The following PREX1 variants were observed in gnomAD, a reference collection of about 807,000 sequenced individuals.
PREX1 encodes phosphatidylinositol-3,4,5-trisphosphate dependent Rac exchange factor 1, also known as phosphatidylinositol 3,4,5-trisphosphate-dependent Rac exchanger 1 protein.
A neutral mutation model predicts 198.3 loss-of-function variants in PREX1; 41 were observed. The observed-to-expected ratio is 0.21, with a 90% CI of 0.16 to 0.27. PREX1 has a LOEUF of 0.27. Among genes scored for constraint, PREX1 ranks in the 10% least tolerant of loss-of-function variants. The pLI, the probability that PREX1 is intolerant of heterozygous loss-of-function variation, is 1.00. For synonymous variants in PREX1, 843 were observed against 887.2 expected (o/e 0.95, Z 0.89); for missense variants, 1,620 against 2,200.7 (o/e 0.74, Z 5.28).
chr20:48,737,282 G>A (rs1401438919), intron 3 of PREX1, among the ~76,000 whole-genome samples: 4 of 148,488 alleles, frequency 2.7e-5, no homozygotes, highest in Admixed American at 2.0e-4. Context: ...AGATAGACTC[G>A]TGGGTTTAGG....
Position 48,737,757 on chromosome 20 carries a change from C to T in PREX1, c.415-3107G>A, listed in dbSNP as rs771928356. ...ACTCTCTTTGAGCTGCTGTTGAACC[C>T]CTGCCACCATGTGAGGCATGCACCC... On this transcript the variant is annotated intron_variant, in intron 3 of 39. Coordinates refer to ENST00000371941, the MANE Select transcript of PREX1 (RefSeq NM_020820.4). Among the ~76,000 whole-genome samples, 10 of 152,306 alleles carry T rather than the reference C, an allele frequency of 6.6e-5. No homozygotes were observed. The Middle Eastern group carries it at 0.014, about 207-fold the overall frequency.
intron 6 of PREX1, among the ~76,000 whole-genome samples, chr20:48,707,293 C>T (rs921929077): frequency 6.6e-6 from 1 of 152,182 alleles, no homozygotes; most frequent in Non-Finnish European, 1.5e-5. Flanking sequence ...AAATAGAGCT[C>T]TTCACTCTCC....
At chr20:48,867,219 A>T in the PREX1 span, among the ~76,000 whole-genome samples, 6 of 152,190 alleles carry the variant, frequency 3.9e-5, no homozygotes, top group Non-Finnish European at 7.4e-5. Context: ...AAGCTCTTGG[A>T]GCTGAAGAGC....
Position 48,651,446 on chromosome 20 carries a change from C to G in PREX1, c.2605G>C (p.Val869Leu). 6.2e-7 allele frequency: 1 copy of G among 1,613,790 alleles called. No individual in the cohort carries two copies. Among genetic ancestry groups the G allele is most frequent in the African/African-American group, 1.3e-5 (1 of 75,072 alleles). ...YVSTAGVRCH[V>L]LEKIVEPRGC... The stretch of plus-strand genomic sequence containing the variant: ...CGGGGCTCCACGATCTTCTCCAGCA[C>G]ATGGCACCTGACGCCTGCCGTGCTC... Residue 869 changes from valine (V) to leucine (L), a missense_variant, in exon 22 of 40, where the codon GTG (valine) becomes CTG (leucine). Physicochemically the swap from Val to Leu is conservative, Grantham distance 32. Coordinates refer to ENST00000371941, the MANE Select transcript of PREX1 (RefSeq NM_020820.4).
chr20:48,681,376 T>C (rs769941242), intron 10 of PREX1, 41 bp from the exon 11 acceptor site: 11 of 1,592,032 alleles, frequency 6.9e-6, no homozygotes, highest in Non-Finnish European at 7.8e-6. Context: ...ATTTCCCCAA[T>C]TCTGGGACCA....
the PREX1 span, among the ~76,000 whole-genome samples, chr20:48,870,649 C>G: frequency 1.3e-5 from 2 of 152,106 alleles, no homozygotes; most frequent in Non-Finnish European, 2.9e-5. Flanking sequence ...AACAACCAAC[C>G]GTAAAAATCA....
intron 25 of PREX1, among the ~76,000 whole-genome samples, chr20:48,648,816 G>C (rs1208109683): frequency 1.3e-5 from 2 of 152,188 alleles, no homozygotes; most frequent in Admixed American, 6.5e-5. Flanking sequence ...TCCTAGAGCT[G>C]AGTAAGGAGA....
At chr20:48,819,708 T>C (rs1016997108) in intron 1 of PREX1, among the ~76,000 whole-genome samples, 1 of 152,224 alleles carries the variant, frequency 6.6e-6, no homozygotes, top group Non-Finnish European at 1.5e-5. Flanking sequence ...TTATGACAAC[T>C]CTGGTCCTTT....
At chr20:48,876,056 T>C in the PREX1 span, among the ~76,000 whole-genome samples, 1 of 152,156 alleles carries the variant, frequency 6.6e-6, no homozygotes, top group Non-Finnish European at 1.5e-5. Flanking sequence ...ATTCACCTCC[T>C]GTGCTCTCTC....
chr20:48,686,809 C>T (rs1454160934), intron 10 of PREX1, among the ~76,000 whole-genome samples: 13 of 152,144 alleles, frequency 8.5e-5, no homozygotes, highest in Admixed American at 7.2e-4. Flanking sequence ...AGGTTTGAAC[C>T]CTTCTACTTG....
intron 15 of PREX1, among the ~76,000 whole-genome samples, chr20:48,662,917 A>G (rs756978796): frequency 2.0e-5 from 3 of 152,154 alleles, no homozygotes; most frequent in Non-Finnish European, 2.9e-5. Flanking sequence ...GCAGCTGGGG[A>G]GGACCCCTAA....
chr20:48,787,796 T>G (rs1446477175), intron 1 of PREX1, among the ~76,000 whole-genome samples: 3 of 152,224 alleles, frequency 2.0e-5, no homozygotes, highest in Admixed American at 6.5e-5. Flanking sequence ...ATACATTTTT[T>G]AAGTCTAATT....
chr20:48,863,586 CTTTTTTTTTT>C, the PREX1 span, among the ~76,000 whole-genome samples: 57 of 104,306 alleles, frequency 5.5e-4, 1 homozygote, highest in African/African-American at 2.0e-3. Context: ...TTCATATTGT[CTTTTTTTTTT>C]TTTTTTTTTT....
chr20:48,678,285 G>A (rs768157913), intron 13 of PREX1, among the ~76,000 whole-genome samples: 2 of 151,310 alleles, frequency 1.3e-5, no homozygotes, highest in Non-Finnish European at 2.9e-5. Context: ...ACTCCAACTT[G>A]GGGGACAGAA....
intron 1 of PREX1, among the ~76,000 whole-genome samples, chr20:48,786,771 A>G (rs529764249): frequency 6.6e-6 from 1 of 151,774 alleles, no homozygotes; most frequent in South Asian, 2.1e-4. Context: ...AAGAAAAGAA[A>G]AAAAAGAGAA....
At chr20:48,644,246 A>T (rs1015616376) in intron 27 of PREX1, among the ~76,000 whole-genome samples, 163 bp downstream of exon 27, 5 of 152,350 alleles carry the variant, frequency 3.3e-5, no homozygotes, top group Middle Eastern at 3.4e-3. Context: ...TGGGCTCAAG[A>T]AATACTTGTT....
chr20:48,793,747 T>TC (rs2090348484), intron 1 of PREX1, among the ~76,000 whole-genome samples: 1 of 152,168 alleles, frequency 6.6e-6, no homozygotes, highest in South Asian at 2.1e-4. Flanking sequence ...CCCTCTCGGG[T>TC]CCCCAAGGAC....
At chr20:48,787,134 T>C (rs2090316758) in intron 1 of PREX1, among the ~76,000 whole-genome samples, 1 of 152,100 alleles carries the variant, frequency 6.6e-6, no homozygotes, top group Admixed American at 6.5e-5. Context: ...GACACCCTCC[T>C]TCCTCACCAT....
At chr20:48,868,305 A>G in the PREX1 span, among the ~76,000 whole-genome samples, 1 of 151,994 alleles carries the variant, frequency 6.6e-6, no homozygotes, top group Non-Finnish European at 1.5e-5. Context: ...TACATCATCT[A>G]TACAGGAAAA....
Sources: allele counts gnomAD v4.1 joint callset (sites outside exome capture counted in the v4.1 genomes callset), GRCh38; gene constraint gnomAD v4.1.1; transcripts MANE v1.5; gene names NCBI Gene and HGNC (gene_info 2026-07-23, HGNC 2026-07-21).